CSPP1: variants seen among roughly 807,000 people sequenced by gnomAD.
The protein encoded by CSPP1 is centrosome and spindle pole-associated protein 1.
Under a neutral mutation model 164.4 loss-of-function variants are expected in CSPP1, and 126 were observed. That is an observed-to-expected ratio of 0.77 (90% CI 0.66 to 0.89). The LOEUF (loss-of-function observed/expected upper bound fraction) is 0.89, where lower values mean the gene tolerates loss of function less well. Among genes scored for constraint, CSPP1 ranks in the 40% least tolerant of loss-of-function variants. The pLI, the probability that CSPP1 is intolerant of heterozygous loss-of-function variation, is 0.00. For synonymous variants in CSPP1, 472 were observed against 476.7 expected, an observed-to-expected ratio of 0.99 and a Z score of 0.13; for missense variants, 1,395 against 1,449.8, an observed-to-expected ratio of 0.96 and a Z score of 0.61.
In CSPP1 at chr8:67,172,421, A is replaced by G. The variant is rs1830658987; in HGVS notation, c.2834A>G (p.Lys945Arg). 1.9e-6 allele frequency: 3 copies of G among 1,610,728 alleles called. No individual in the cohort carries two copies. Among genetic ancestry groups the G allele is most frequent in the Non-Finnish European group, 2.5e-6 (3 of 1,177,856 alleles). The change falls in exon 25 of 31, where the codon AAG becomes AGG. Residue 945 changes from lysine (K) to arginine (R), a missense_variant. Physicochemically the swap from Lys to Arg is conservative, Grantham distance 26. Coordinates refer to ENST00000678616, the MANE Select transcript of CSPP1 (RefSeq NM_001382391.1). ...GATTTGTCATTTATCTATAGGAAAA[A>G]GGAAAGGAATCCCATGGATATATTT... ...DSDDEIPIRKKERNPMDIFDM... is the reference protein window; with the variant it reads ...DSDDEIPIRKRERNPMDIFDM...
chr8:67,064,502 A>G lies in CSPP1; in HGVS notation c.-47A>G. 1 of 1,613,520 alleles carries G rather than the reference A, an allele frequency of 6.2e-7. No homozygotes were observed. The highest frequency in any genetic ancestry group is 8.5e-7 in the Non-Finnish European group (1 of 1,179,826). ...ACGCGAGCCCGCTCCCCTGAGTAAG[A>G]GTCAGCCAGCCGCGGATGGGGAGCG... On this transcript the variant is annotated 5_prime_UTR_variant, in exon 1 of 31. Coordinates refer to ENST00000678616, the MANE Select transcript of CSPP1 (RefSeq NM_001382391.1).
Position 67,131,998 on chromosome 8 carries a change from T to C in CSPP1, c.1745T>C (p.Ile582Thr), listed in dbSNP as rs1477272921. 6.2e-6 allele frequency: 10 copies of C among 1,613,528 alleles called. No individual in the cohort carries two copies. The highest frequency in any genetic ancestry group is 8.5e-6 in the Non-Finnish European group (10 of 1,179,648). Reference sequence around the variant, plus strand: ...CTGAAGATTACAAGTGATCAAGTGATAAATTCAGGATTGATTTTTGAAGAT... The same window carrying C: ...CTGAAGATTACAAGTGATCAAGTGACAAATTCAGGATTGATTTTTGAAGAT... ...NELKITSDQV[I>T]NSGLIFEDKP... The change falls in exon 16 of 31, where the codon ATA (isoleucine) becomes ACA (threonine). Residue 582 changes from isoleucine (I) to threonine (T), a missense_variant. Ile to Thr is a moderately conservative substitution (Grantham distance 89). Coordinates refer to ENST00000678616, the MANE Select transcript of CSPP1 (RefSeq NM_001382391.1).
At position 67,064,536 on chromosome 8, in the gene CSPP1, G is replaced by C. The variant is rs1445343380; in HGVS notation, c.-13G>C. ...GCCGCGGATGGGGAGCGTGAGTGGC[G>C]AGGTGTGGCCTGGGGTGGTGTAGGT... On this transcript the variant is annotated splice_region_variant and 5_prime_UTR_variant, in exon 1 of 31. Transcript: ENST00000678616. 6.2e-7 allele frequency: 1 copy of C among 1,608,034 alleles called. No homozygotes were observed. Among genetic ancestry groups the C allele is most frequent in the African/African-American group, 1.3e-5 (1 of 74,876 alleles).
At chr8:67,117,192 A>G (rs1012030284) in intron 13 of CSPP1, among the ~76,000 whole-genome samples, 1 of 152,208 alleles carries the variant, frequency 6.6e-6, no homozygotes, top group Non-Finnish European at 1.5e-5. Flanking sequence ...ATTCGATTTA[A>G]TGATGACAGC....
chr8:67,192,804 G>C (rs1227926866), intron 29 of CSPP1, among the ~76,000 whole-genome samples: 1 of 152,126 alleles, frequency 6.6e-6, no homozygotes, highest in African/African-American at 2.4e-5. Flanking sequence ...GTCCATAAAC[G>C]TAAGGATTTA....
chr8:67,074,296 G>A lies in CSPP1; in HGVS notation c.44G>A (p.Arg15Lys), dbSNP rs1807442626. Residue 15 changes from arginine (R) to lysine (K), a missense_variant, in exon 2 of 31, where the codon AGA (arginine) becomes AAA (lysine). Transcript: ENST00000678616. Reference protein sequence around the residue: ...LDEFIEEQKARLAEDKAELES... With the variant: ...LDEFIEEQKAKLAEDKAELES... Reference sequence around the variant, plus strand: ...GAATTTATTGAAGAGCAAAAAGCCAGATTGGCCGAAGACAAAGCAGAGTTG... The same window carrying A: ...GAATTTATTGAAGAGCAAAAAGCCAAATTGGCCGAAGACAAAGCAGAGTTG... 1 of 1,611,624 alleles carries A rather than the reference G, an allele frequency of 6.2e-7. No individual in the cohort carries two copies. The highest frequency in any genetic ancestry group is 8.5e-7 in the Non-Finnish European group (1 of 1,178,932).
chr8:67,175,558 C>A, intron 26 of CSPP1, 122 bp downstream of exon 26: 2 of 1,182,548 alleles, frequency 1.7e-6, no homozygotes, highest in Non-Finnish European at 1.2e-6. Context: ...CCCATGCTCA[C>A]AGGGTCCGTT....
At position 67,095,458 on chromosome 8, in the gene CSPP1, T is replaced by TA; in HGVS notation, c.650dup (p.Tyr217Ter). Reference sequence around the variant, plus strand: ...CCAAAGACGACTAGAGGAGGACAGATACCGACAACTAGATGATGAAATCGA... The same window carrying TA: ...CCAAAGACGACTAGAGGAGGACAGATAACCGACAACTAGATGATGAAATCGA... ...LNQRRLEEDR[Y>*]RQLDDEIELR... Residue 217 changes from tyrosine to a stop codon, truncating the protein, a stop_gained and frameshift_variant, in exon 7 of 31, where the codon TAC becomes TAAC. Transcript: ENST00000678616. LOFTEE classifies it high-confidence loss of function. 1.2e-6 allele frequency: 2 copies of TA among 1,613,366 alleles called. No homozygotes were observed. Among genetic ancestry groups the TA allele is most frequent in the Non-Finnish European group, 1.7e-6 (2 of 1,179,878 alleles).
At chr8:67,162,026 T>C in intron 22 of CSPP1, 111 bp downstream of exon 22, 1 of 701,958 alleles carries the variant, frequency 1.4e-6, no homozygotes, top group East Asian at 2.6e-5. Context: ...TTTTCAGATC[T>C]GAAATATAGG....
intron 4 of CSPP1, among the ~76,000 whole-genome samples, chr8:67,086,514 A>C (rs1810433681): frequency 6.6e-6 from 1 of 152,154 alleles, no homozygotes; most frequent in Non-Finnish European, 1.5e-5. Flanking sequence ...CAAGCTTATA[A>C]AATTACATTT....
Position 67,195,759 on chromosome 8 carries a change from G to T in CSPP1, c.*166G>T. Reference sequence around the variant, plus strand: ...ATGTATATTATGTACATAAATAAAAGGCCATGATTATTGATTTATATAATA... The same window carrying T: ...ATGTATATTATGTACATAAATAAAATGCCATGATTATTGATTTATATAATA... On this transcript the variant is annotated 3_prime_UTR_variant, in exon 31 of 31. Transcript: ENST00000678616. The T allele has an allele frequency of 1.7e-6, 1 of 602,386 alleles. No individual in the cohort carries two copies. The highest frequency in any genetic ancestry group is 2.2e-5 in the South Asian group (1 of 45,438). 37.3% of individuals were successfully genotyped at this position (602,386 alleles called of 1,614,324 possible).
chr8:67,158,853 C>A, intron 20 of CSPP1, 138 bp from the exon 21 acceptor site: 2 of 920,236 alleles, frequency 2.2e-6, no homozygotes, highest in Non-Finnish European at 1.6e-6. Context: ...TATTTTTAAG[C>A]AGACAACTTA....
At chr8:67,149,241 G>T (rs2129557845) in intron 17 of CSPP1, among the ~76,000 whole-genome samples, 1 of 152,248 alleles carries the variant, frequency 6.6e-6, no homozygotes, top group South Asian at 2.1e-4. Context: ...CTTTTATGAG[G>T]TAGCCTCAGA....
rs555181016 is a variant in CSPP1 at position 67,160,031 on chromosome 8, C to CT, written c.2538+899dup. 2.6e-3 allele frequency among the ~76,000 whole-genome samples: 138 copies of CT among 53,986 alleles called. 5 individuals carry two copies. The highest frequency in any genetic ancestry group is 0.014 in the African/African-American group (131 of 9,238). The allele number at this position is 53,986 out of a possible 152,430, so 35.4% of individuals were successfully genotyped here. On this transcript the variant is annotated intron_variant, in intron 21 of 30. Coordinates refer to ENST00000678616, the MANE Select transcript of CSPP1 (RefSeq NM_001382391.1). Reference sequence around the variant, plus strand: ...CTTTTCTTTTCTTTTCTTTTCTTTTCTTTTTCTTTTTCTTTTTCTTTCTTT... The same window carrying CT: ...CTTTTCTTTTCTTTTCTTTTCTTTTCTTTTTTCTTTTTCTTTTTCTTTCTTT...
chr8:67,171,164 G>A (rs1045668579), intron 24 of CSPP1, among the ~76,000 whole-genome samples: 8 of 150,504 alleles, frequency 5.3e-5, no homozygotes, highest in African/African-American at 1.7e-4. Flanking sequence ...ACTTTGGGAG[G>A]CCGAGGTGAG....
intron 16 of CSPP1, 51 bp from the exon 17 acceptor site, chr8:67,137,405 G>T: frequency 8.0e-7 from 1 of 1,256,180 alleles, no homozygotes. Flanking sequence ...CTAACTTCTT[G>T]TATCAGAATA....
chr8:67,186,974 TATCTATC>T (rs1168415547), intron 28 of CSPP1, among the ~76,000 whole-genome samples: 1 of 70,910 alleles, frequency 1.4e-5, no homozygotes, highest in Non-Finnish European at 3.2e-5. Flanking sequence ...ATCTATCATC[TATCTATC>T]TATCTATCTA....
At chr8:67,100,049 G>C (rs1194267142) in intron 7 of CSPP1, among the ~76,000 whole-genome samples, 1 of 152,064 alleles carries the variant, frequency 6.6e-6, no homozygotes, top group African/African-American at 2.4e-5. Flanking sequence ...TCTTTTTAGT[G>C]AAATGCTTAT....
chr8:67,081,118 C>T (rs1226071411), intron 3 of CSPP1: 3 of 152,196 alleles, frequency 2.0e-5, no homozygotes, highest in Non-Finnish European at 4.4e-5. Flanking sequence ...CAATGATTCA[C>T]TTCGTTAGTA....
Sources: gnomAD v4.1 joint callset for allele counts (sites outside exome capture counted in the v4.1 genomes callset) on GRCh38, gnomAD v4.1.1 for gene constraint, MANE v1.5 for transcripts, NCBI Gene and HGNC (gene_info 2026-07-23, HGNC 2026-07-21) for gene names.